The following ARL15 variants were observed in gnomAD, a reference collection of about 807,000 sequenced individuals.
The protein encoded by ARL15 is ARF like GTPase 15, also known as ADP-ribosylation factor-like protein 15.
In ARL15, 19 loss-of-function variants were observed where a neutral mutation model predicts 25.2. That is an observed-to-expected ratio of 0.75 (90% confidence interval 0.53 to 1.10). ARL15 has a LOEUF of 1.10. ARL15 is among the 50% of genes least tolerant of loss of function. The pLI is 0.00. For missense variants in ARL15, 220 were observed against 246.0 expected (o/e 0.89, Z 0.71); for synonymous variants, 94 against 86.8 (o/e 1.08, Z -0.46).
At chr5:54,144,234 T>G (rs939487040) in intron 3 of ARL15, among the ~76,000 whole-genome samples, 4 of 152,092 alleles carry the variant, frequency 2.6e-5, no homozygotes, top group African/African-American at 9.6e-5. Context: ...CTTTTTCTCC[T>G]ACTATTTCTT....
intron 4 of ARL15, among the ~76,000 whole-genome samples, chr5:54,003,888 C>T (rs1182716253): frequency 6.6e-6 from 1 of 152,144 alleles, no homozygotes; most frequent in Admixed American, 6.6e-5. Flanking sequence ...CAGTCAGTAA[C>T]TTTAAACACA....
At position 54,268,700 on chromosome 5, in the gene ARL15, A is replaced by T. The variant is rs149881717; in HGVS notation, c.48+41732T>A. 6.3e-3 allele frequency among the ~76,000 whole-genome samples: 953 copies of T among 152,252 alleles called. 7 individuals are homozygous for T. Among genetic ancestry groups the T allele is most frequent in the African/African-American group, 0.022 (912 of 41,532 alleles). On this transcript the variant is annotated intron_variant, in intron 1 of 4. Transcript: ENST00000504924. ...GATCTAGAACTAGAAATACCATTTG[A>T]CCCAGCCATCCCATTACTGGGTATA... is the stretch of plus-strand genomic sequence containing the variant.
intron 3 of ARL15, among the ~76,000 whole-genome samples, chr5:54,142,523 C>T (rs1004829110): frequency 1.3e-5 from 2 of 152,140 alleles, no homozygotes; most frequent in Non-Finnish European, 2.9e-5. Flanking sequence ...GAGGGTTGAT[C>T]AGTGACAGCC....
At chr5:54,165,620 G>T in intron 2 of ARL15, among the ~76,000 whole-genome samples, 1 of 149,330 alleles carries the variant, frequency 6.7e-6, no homozygotes. Context: ...TGCTTTTAAG[G>T]TATTTTCTTT....
At chr5:54,149,645 A>G (rs932823459) in intron 3 of ARL15, among the ~76,000 whole-genome samples, 16 of 152,190 alleles carry the variant, frequency 1.1e-4, no homozygotes, top group Admixed American at 7.9e-4. Flanking sequence ...CAGATAAGGG[A>G]ACAGAGATAC....
chr5:54,139,282 G>A (rs2112303717), intron 3 of ARL15, among the ~76,000 whole-genome samples: 1 of 152,220 alleles, frequency 6.6e-6, no homozygotes, highest in East Asian at 1.9e-4. Context: ...ATCAATCAAT[G>A]AGTAGATAAA....
chr5:53,987,989 G>C (rs1748351283), intron 4 of ARL15, among the ~76,000 whole-genome samples: 1 of 152,166 alleles, frequency 6.6e-6, no homozygotes, highest in East Asian at 1.9e-4. Flanking sequence ...TGTAGTCCCA[G>C]CTAATCCCGA....
At chr5:54,082,421 A>G (rs1429546768) in intron 4 of ARL15, among the ~76,000 whole-genome samples, 1 of 152,210 alleles carries the variant, frequency 6.6e-6, no homozygotes, top group African/African-American at 2.4e-5. Context: ...CTGTGGTTTT[A>G]GAAGTTTTAC....
intron 4 of ARL15, among the ~76,000 whole-genome samples, chr5:53,907,240 T>G (rs1446601040): frequency 6.6e-6 from 1 of 151,914 alleles, no homozygotes; most frequent in African/African-American, 2.4e-5. Flanking sequence ...TTTTCCCATC[T>G]GTAAAATGGG....
intron 4 of ARL15, among the ~76,000 whole-genome samples, chr5:54,037,987 AT>A (rs1015175103): frequency 4.6e-5 from 7 of 152,204 alleles, no homozygotes; most frequent in African/African-American, 1.7e-4. Context: ...CTTAGAAATA[AT>A]TTTTTATTTA....
chr5:53,946,068 A>G (rs1746718516), intron 4 of ARL15, among the ~76,000 whole-genome samples: 1 of 152,228 alleles, frequency 6.6e-6, no homozygotes, highest in Non-Finnish European at 1.5e-5. Flanking sequence ...TCATGTATGA[A>G]TGAGGGATCA....
chr5:54,306,870 G>T (rs915283630), intron 1 of ARL15, among the ~76,000 whole-genome samples: 2 of 152,170 alleles, frequency 1.3e-5, no homozygotes, highest in African/African-American at 4.8e-5. Flanking sequence ...CATGAGTCAA[G>T]ACAGAAAATT....
At chr5:53,967,186 T>A (rs187212859) in intron 4 of ARL15, among the ~76,000 whole-genome samples, 1 of 152,176 alleles carries the variant, frequency 6.6e-6, no homozygotes. Context: ...TAATTTCAGG[T>A]TTTTTTAGTT....
chr5:54,024,793 C>T (rs1047452270), intron 4 of ARL15, among the ~76,000 whole-genome samples: 12 of 151,922 alleles, frequency 7.9e-5, no homozygotes, highest in African/African-American at 2.9e-4. Flanking sequence ...TATACAAATA[C>T]ATATGTATAT....
rs538305319 is a variant in ARL15, at chr5:53,964,826, T to G, written c.463-78113A>C. On this transcript the variant is annotated intron_variant, in intron 4 of 4. Transcript: ENST00000504924. ...AATTCCAGAGCTAACACTCTAGCAA[T>G]GTAGAACTGGCTGAGGAGTACCTTG... 5.3e-5 allele frequency among the ~76,000 whole-genome samples: 8 copies of G among 152,322 alleles called. 1 individual carries two copies. In the South Asian group the frequency reaches 1.2e-3, roughly 24 times the overall value.
At chr5:53,932,447 G>A (rs947393625) in intron 4 of ARL15, among the ~76,000 whole-genome samples, 3 of 152,136 alleles carry the variant, frequency 2.0e-5, no homozygotes, top group Admixed American at 2.0e-4. Context: ...ACAAAGACCA[G>A]TTACAAAATG....
At chr5:54,193,400 T>G (rs187703321) in intron 1 of ARL15, among the ~76,000 whole-genome samples, 9 of 152,298 alleles carry the variant, frequency 5.9e-5, no homozygotes, top group Admixed American at 5.2e-4. Flanking sequence ...GTCCATGGCC[T>G]GTTCGGAACC....
intron 4 of ARL15, among the ~76,000 whole-genome samples, chr5:54,022,684 C>T (rs954677572): frequency 1.3e-5 from 2 of 152,182 alleles, no homozygotes; most frequent in African/African-American, 4.8e-5. Context: ...GCTCAAAATG[C>T]TATTTAAGCT....
chr5:54,154,699 A>G lies in ARL15; in HGVS notation c.194-60T>C, dbSNP rs1310997653. The G allele has an allele frequency of 3.9e-6, 4 of 1,038,200 alleles. No homozygotes were observed. The African/African-American group carries it at 5.0e-5, about 13-fold the overall frequency. The allele number at this position is 1,038,200 out of a possible 1,614,324, so 64.3% of individuals were successfully genotyped here. A position where few individuals can be genotyped will look rare whatever the true frequency, so the allele number is the denominator to read the frequency against. ...TAGCAACTTTTAAATTAAAACACTT[A>G]GGATGCTCAAATTGTCTCTTTTTAG... On this transcript the variant is annotated intron_variant, in intron 2 of 4. Transcript: ENST00000504924.
Sources: gnomAD v4.1 joint callset for allele counts (sites outside exome capture counted in the v4.1 genomes callset) on GRCh38, gnomAD v4.1.1 for gene constraint, MANE v1.5 for transcripts, NCBI Gene and HGNC (gene_info 2026-07-23, HGNC 2026-07-21) for gene names.